The following MYO3B variants were observed in gnomAD, a reference collection of about 807,000 sequenced individuals.
The protein encoded by MYO3B is myosin-IIIb.
MYO3B carries 156 observed loss-of-function variants against 174.6 expected under a neutral mutation model. The ratio of observed to expected loss-of-function variants is 0.89; its 90% CI spans 0.78 to 1.02. MYO3B has a LOEUF of 1.02. Among genes scored for constraint, MYO3B ranks in the 50% least tolerant of loss-of-function variants. The pLI is 0.00. For missense variants in MYO3B, 1,632 were observed against 1,639.4 expected, an observed-to-expected ratio of 1.00 and a Z score of 0.08; for synonymous variants, 563 against 569.1, an observed-to-expected ratio of 0.99 and a Z score of 0.15.
At position 170,401,451 on chromosome 2, in the gene MYO3B, A is replaced by G. The variant is rs759219258; in HGVS notation, c.1919-30A>G. 1.9e-6 allele frequency: 3 copies of G among 1,601,276 alleles called. No individual in the cohort carries two copies. The South Asian group carries it at 3.3e-5, about 18-fold the overall frequency. On this transcript the variant is annotated intron_variant, in intron 17 of 34. Coordinates refer to ENST00000408978, the MANE Select transcript of MYO3B (RefSeq NM_138995.5). Reference sequence around the variant, plus strand: ...ACTGACTGAATGAAGGTCTGGCTACATTCTGTGTTATCCTTACTCTTTGTT... The same window carrying G: ...ACTGACTGAATGAAGGTCTGGCTACGTTCTGTGTTATCCTTACTCTTTGTT...
intron 28 of MYO3B, among the ~76,000 whole-genome samples, chr2:170,502,543 C>G (rs924947420): frequency 2.0e-5 from 3 of 152,154 alleles, no homozygotes; most frequent in Admixed American, 1.3e-4. Flanking sequence ...CTGACTCATC[C>G]GTCCCCTCTC....
intron 1 of MYO3B, among the ~76,000 whole-genome samples, chr2:170,182,301 G>A (rs991800240): frequency 6.6e-6 from 1 of 152,104 alleles, no homozygotes; most frequent in Non-Finnish European, 1.5e-5. Context: ...AGAAAGGAAT[G>A]AGGTAGCAAT....
intron 32 of MYO3B, among the ~76,000 whole-genome samples, chr2:170,645,301 T>C (rs968892439): frequency 6.6e-6 from 1 of 151,868 alleles, no homozygotes; most frequent in Non-Finnish European, 1.5e-5. Flanking sequence ...TGAAACCCCA[T>C]CTCTACTAAA....
chr2:170,611,040 G>A (rs139201966), intron 32 of MYO3B, among the ~76,000 whole-genome samples: 6 of 152,188 alleles, frequency 3.9e-5, no homozygotes, highest in Non-Finnish European at 8.8e-5. Context: ...CGGGAAGCAA[G>A]ATAAGCATGG....
intron 7 of MYO3B, among the ~76,000 whole-genome samples, chr2:170,245,354 A>AATGGGGG (rs1340189566): frequency 6.6e-6 from 1 of 152,176 alleles, no homozygotes; most frequent in Non-Finnish European, 1.5e-5. Flanking sequence ...CTGTAAGCCC[A>AATGGGGG]ATGGGGGGAT....
intron 7 of MYO3B, among the ~76,000 whole-genome samples, chr2:170,255,234 G>A (rs2093294241): frequency 6.6e-6 from 1 of 152,138 alleles, no homozygotes; most frequent in Non-Finnish European, 1.5e-5. Context: ...AGCCCGCCAG[G>A]GTCCCTACTG....
chr2:170,517,594 T>C (rs1264483291), intron 29 of MYO3B, among the ~76,000 whole-genome samples: 1 of 152,260 alleles, frequency 6.6e-6, no homozygotes, highest in Non-Finnish European at 1.5e-5. Context: ...CAATATCATT[T>C]GGCCTTTGAT....
chr2:170,422,041 C>A lies in MYO3B; in HGVS notation c.2650+14197C>A, dbSNP rs1473084502. Among the ~76,000 whole-genome samples the A allele has an allele frequency of 2.0e-5, 3 of 152,202 alleles. No homozygotes were observed. The East Asian group carries it at 5.8e-4, about 29-fold the overall frequency. On this transcript the variant is annotated intron_variant, in intron 22 of 34. Coordinates refer to ENST00000408978, the MANE Select transcript of MYO3B (RefSeq NM_138995.5). ...AAGAGCTACCTGAACTGGTACTTTG[C>A]ATCTGGCAGATTTGATTTAAAGTTC...
chr2:170,354,857 G>A (rs748050917), intron 8 of MYO3B, among the ~76,000 whole-genome samples: 20 of 151,410 alleles, frequency 1.3e-4, no homozygotes, highest in Non-Finnish European at 2.4e-4. Flanking sequence ...TTGGCCGTCA[G>A]TGTCTTTATT....
intron 23 of MYO3B, among the ~76,000 whole-genome samples, chr2:170,463,162 G>T (rs1197292138): frequency 1.4e-4 from 21 of 152,216 alleles, no homozygotes. Context: ...GTATTTTATA[G>T]AGTGAGGTAT....
intron 7 of MYO3B, among the ~76,000 whole-genome samples, chr2:170,274,573 A>G (rs10497361): frequency 0.9 from 136,412 of 152,110 alleles, 61,401 homozygotes; most frequent in East Asian, 0.96. Context: ...TATTCTGTAG[A>G]GTCAAAACCT....
intron 32 of MYO3B, among the ~76,000 whole-genome samples, chr2:170,619,734 A>ATTTTTT (rs1553539465): frequency 6.0e-5 from 2 of 33,520 alleles, no homozygotes; most frequent in African/African-American, 8.3e-5. Flanking sequence ...CTGCTGCCAT[A>ATTTTTT]TTCTTTTTTT....
chr2:170,636,402 T>C (rs1697485033), intron 32 of MYO3B, among the ~76,000 whole-genome samples: 1 of 91,202 alleles, frequency 1.1e-5, no homozygotes, highest in African/African-American at 5.5e-5. Flanking sequence ...ATGAATTTCT[T>C]TTTTTTTTTT....
chr2:170,551,043 C>A (rs956969840), intron 32 of MYO3B, among the ~76,000 whole-genome samples: 2 of 152,006 alleles, frequency 1.3e-5, no homozygotes, highest in Non-Finnish European at 2.9e-5. Context: ...GGATTACAGG[C>A]CTGAGCCACC....
intron 9 of MYO3B, among the ~76,000 whole-genome samples, chr2:170,377,518 A>C (rs576699117): frequency 7.2e-5 from 11 of 151,978 alleles, no homozygotes; most frequent in Non-Finnish European, 1.5e-4. Flanking sequence ...TTCCCACCCT[A>C]CTTGATCCAT....
At chr2:170,622,679 C>T (rs1015824704) in intron 32 of MYO3B, among the ~76,000 whole-genome samples, 1 of 151,792 alleles carries the variant, frequency 6.6e-6, no homozygotes. Context: ...CCCATTAACT[C>T]ATCATTTACA....
chr2:170,573,842 T>TC (rs2106284726), intron 32 of MYO3B, among the ~76,000 whole-genome samples: 1 of 152,334 alleles, frequency 6.6e-6, no homozygotes, highest in East Asian at 1.9e-4. Context: ...GTTGCCTTTT[T>TC]CCCTCCCTAG....
At chr2:170,441,295 A>G (rs1237792956) in intron 22 of MYO3B, among the ~76,000 whole-genome samples, 1 of 152,128 alleles carries the variant, frequency 6.6e-6, no homozygotes, top group African/African-American at 2.4e-5. Flanking sequence ...TAAGACTTCC[A>G]GTACTATAAT....
At chr2:170,447,042 A>ACAT (rs1683254350) in intron 23 of MYO3B, among the ~76,000 whole-genome samples, 1 of 152,160 alleles carries the variant, frequency 6.6e-6, no homozygotes, top group African/African-American at 2.4e-5. Flanking sequence ...TCAGGTCAGG[A>ACAT]CATCTGTCAC....
Sources: allele counts gnomAD v4.1 joint callset (sites outside exome capture counted in the v4.1 genomes callset), GRCh38; gene constraint gnomAD v4.1.1; transcripts MANE v1.5; gene names NCBI Gene and HGNC (gene_info 2026-07-23, HGNC 2026-07-21).